The following MARK3 variants were observed in gnomAD, a reference collection of about 807,000 sequenced individuals.
MARK3 encodes the protein MAP/microtubule affinity-regulating kinase 3.
In MARK3, 46 loss-of-function variants were observed where a neutral mutation model predicts 90.1. The ratio of observed to expected loss-of-function variants is 0.51; its 90% CI spans 0.40 to 0.65. The LOEUF (loss-of-function observed/expected upper bound fraction) is 0.65. MARK3 is among the 30% of genes least tolerant of loss of function. MARK3 has a pLI of 0.00. For missense variants in MARK3, 818 were observed against 947.2 expected, an observed-to-expected ratio of 0.86 and a Z score of 1.79; for synonymous variants, 321 against 332.6, an observed-to-expected ratio of 0.97 and a Z score of 0.38.
At chr14:103,428,348 A>G in intron 2 of MARK3, 39 bp from the exon 3 acceptor site, 1 of 1,147,148 alleles carries the variant, frequency 8.7e-7, no homozygotes, top group Non-Finnish European at 1.2e-6. Flanking sequence ...CATAATTACT[A>G]AATTCTTAAA....
chr14:103,432,521 G>C (rs984756092), intron 3 of MARK3, among the ~76,000 whole-genome samples: 1 of 150,508 alleles, frequency 6.6e-6, no homozygotes, highest in Non-Finnish European at 1.5e-5. Context: ...TATGAGCTGA[G>C]CAGAAGTTGG....
intron 2 of MARK3, among the ~76,000 whole-genome samples, chr14:103,416,542 G>A (rs374789756): frequency 3.8e-4 from 58 of 152,326 alleles, no homozygotes; most frequent in African/African-American, 1.4e-3. Context: ...AGGCCGAAGC[G>A]AGTGGATCAC....
At chr14:103,468,317 T>C (rs12892292) in intron 12 of MARK3, 131 bp downstream of exon 12, 21,793 of 77,614 alleles carry the variant, frequency 0.28, 4,844 homozygotes, top group Middle Eastern at 0.33. Flanking sequence ...CTTTCTTCTT[T>C]TTTTTTTTTT....
intron 1 of MARK3, among the ~76,000 whole-genome samples, chr14:103,393,069 C>T (rs1325760002): frequency 7.2e-5 from 11 of 152,182 alleles, no homozygotes; most frequent in African/African-American, 2.4e-4. Flanking sequence ...CTGCAACCTC[C>T]GCCTCCTGGC....
At chr14:103,474,067 A>G (rs2093675241) in intron 12 of MARK3, among the ~76,000 whole-genome samples, 1 of 147,390 alleles carries the variant, frequency 6.8e-6, no homozygotes, top group South Asian at 2.1e-4. Context: ...AAAAAAAATT[A>G]GTTGGCATGC....
At chr14:103,444,770 C>T (rs1770752842) in intron 3 of MARK3, among the ~76,000 whole-genome samples, 1 of 151,504 alleles carries the variant, frequency 6.6e-6, no homozygotes, top group Admixed American at 6.6e-5. Flanking sequence ...GAGCGAGACT[C>T]CATTTCAAAA....
chr14:103,416,068 A>G (rs1312427801), intron 2 of MARK3, among the ~76,000 whole-genome samples: 2 of 152,260 alleles, frequency 1.3e-5, no homozygotes, highest in East Asian at 3.9e-4. Context: ...TTATTTTCTT[A>G]TATAATTGTA....
At chr14:103,496,272 G>C (rs768866522) in intron 15 of MARK3, among the ~76,000 whole-genome samples, 2 of 152,102 alleles carry the variant, frequency 1.3e-5, no homozygotes, top group Non-Finnish European at 2.9e-5. Flanking sequence ...CAGTAACCCT[G>C]ATTTTTCCGG....
At chr14:103,401,059 TAA>T (rs1250940396) in intron 1 of MARK3, among the ~76,000 whole-genome samples, 1 of 150,602 alleles carries the variant, frequency 6.6e-6, no homozygotes, top group Non-Finnish European at 1.5e-5. Flanking sequence ...CAAGAACTCA[TAA>T]TTATTTGTTT....
intron 6 of MARK3, among the ~76,000 whole-genome samples, chr14:103,460,211 A>G (rs1293888882): frequency 2.0e-5 from 3 of 147,160 alleles, no homozygotes; most frequent in East Asian, 2.1e-4. Context: ...TCAGCCTCCC[A>G]AGTAGCTGGG....
chr14:103,485,702 C>T (rs2093916563), intron 14 of MARK3, among the ~76,000 whole-genome samples: 1 of 151,778 alleles, frequency 6.6e-6, no homozygotes, highest in Non-Finnish European at 1.5e-5. Context: ...AAGTGCCTAT[C>T]CTTTAGTAAC....
intron 3 of MARK3, among the ~76,000 whole-genome samples, chr14:103,439,083 A>AT (rs1595683233): frequency 6.6e-6 from 1 of 152,068 alleles, no homozygotes; most frequent in South Asian, 2.1e-4. Flanking sequence ...AAGCTAAGCA[A>AT]TTTTTTAAAA....
At chr14:103,395,268 C>T (rs1195884802) in intron 1 of MARK3, among the ~76,000 whole-genome samples, 2 of 150,770 alleles carry the variant, frequency 1.3e-5, no homozygotes, top group African/African-American at 2.4e-5. Flanking sequence ...GAGTTATAGA[C>T]TGGAATTTGA....
intron 1 of MARK3, among the ~76,000 whole-genome samples, chr14:103,402,710 T>C (rs1489526452): frequency 6.6e-6 from 1 of 152,148 alleles, no homozygotes; most frequent in Non-Finnish European, 1.5e-5. Context: ...AAATATGTTA[T>C]TTGGGACGCA....
At chr14:103,415,129 C>T (rs1595555498) in intron 2 of MARK3, among the ~76,000 whole-genome samples, 1 of 96,370 alleles carries the variant, frequency 1.0e-5, no homozygotes, top group Non-Finnish European at 1.8e-5. Context: ...TCCAGCCTGG[C>T]AACAGAGTAA....
chr14:103,449,854 A>T (rs144810052), intron 4 of MARK3, among the ~76,000 whole-genome samples: 1 of 152,248 alleles, frequency 6.6e-6, no homozygotes, highest in Non-Finnish European at 1.5e-5. Flanking sequence ...CTCTTAAGAC[A>T]GCCCATAATC....
At chr14:103,405,795 C>G (rs2140700312) in intron 2 of MARK3, among the ~76,000 whole-genome samples, 1 of 145,126 alleles carries the variant, frequency 6.9e-6, no homozygotes, top group East Asian at 2.0e-4. Flanking sequence ...GACGGGGTTT[C>G]ACCATGTTGG....
At chr14:103,466,124 T>C (rs763921048) in intron 9 of MARK3, 33 bp downstream of exon 9, 6 of 1,610,250 alleles carry the variant, frequency 3.7e-6, no homozygotes, top group South Asian at 3.3e-5. Context: ...GCAGTAACTT[T>C]GGAGAGTCTT....
chr14:103,433,797 C>T (rs1167109671), intron 3 of MARK3, among the ~76,000 whole-genome samples: 1 of 152,142 alleles, frequency 6.6e-6, no homozygotes, highest in African/African-American at 2.4e-5. Flanking sequence ...AATGTGGAAT[C>T]TTAGCAGGGA....
Sources: allele counts gnomAD v4.1 joint callset (sites outside exome capture counted in the v4.1 genomes callset), GRCh38; gene constraint gnomAD v4.1.1; transcripts MANE v1.5; gene names NCBI Gene and HGNC (gene_info 2026-07-23, HGNC 2026-07-21).